Variants in KIF7 observed in about 807,000 individuals in gnomAD.
The protein encoded by KIF7 is kinesin family member 7, also known as kinesin-like protein KIF7.
Under a neutral mutation model 135.7 loss-of-function variants are expected in KIF7, and 104 were observed. The observed-to-expected ratio is 0.77, with a 90% CI of 0.65 to 0.90. The LOEUF (loss-of-function observed/expected upper bound fraction) is 0.90, where lower values mean the gene tolerates loss of function less well. KIF7 is among the 40% of genes least tolerant of loss of function. KIF7 has a pLI of 0.00. For synonymous variants in KIF7, 883 were observed against 809.4 expected, an observed-to-expected ratio of 1.09 and a Z score of -1.54; for missense variants, 2,005 against 1,839.1, an observed-to-expected ratio of 1.09 and a Z score of -1.65.
At chr15:89,622,855 G>A (rs1343947173) in intron 1 of KIF7, among the ~76,000 whole-genome samples, 1 of 152,192 alleles carries the variant, frequency 6.6e-6, no homozygotes, top group Non-Finnish European at 1.5e-5. Flanking sequence ...CGACACCCAA[G>A]CTTGAAGACC....
intron 11 of KIF7, 79 bp from the exon 12 acceptor site, chr15:89,633,962 C>T: frequency 6.5e-6 from 10 of 1,528,156 alleles, no homozygotes; most frequent in Non-Finnish European, 9.0e-6. Flanking sequence ...TCAACAAGGG[C>T]AGGCAGATAG....
exon 2 of KIF7, chr15:89,618,038 T>C (rs940110469): frequency 1.9e-6 from 2 of 1,055,500 alleles, no homozygotes; most frequent in Non-Finnish European, 3.0e-6. Flanking sequence ...CCAGCACTGG[T>C]GTTATCAGAC....
intron 2 of KIF7, among the ~76,000 whole-genome samples, chr15:89,652,363 C>T (rs566367847): frequency 3.9e-5 from 6 of 152,288 alleles, no homozygotes; most frequent in East Asian, 1.9e-4. Flanking sequence ...GGCAGCATGG[C>T]GCCATCTCTA....
chr15:89,633,566 G>T, intron 12 of KIF7, 120 bp downstream of exon 12: 2 of 1,110,946 alleles, frequency 1.8e-6, no homozygotes, highest in South Asian at 1.3e-5. Flanking sequence ...CAGGCTAAGT[G>T]ACCTGCTTTC....
At position 89,645,360 on chromosome 15, in the gene KIF7, C is replaced by G. The variant is rs575882014; in HGVS notation, c.2014G>C (p.Asp672His). The G allele has an allele frequency of 3.1e-6, 5 of 1,614,090 alleles. No homozygotes were observed. In the African/African-American group the frequency reaches 5.3e-5, roughly 17 times the overall value. ...CCTCTGGACCCTGGAATGGCTGCAT[C>G]CAACTCCTCAAGGCAAAGCTCTGGG... The part of the protein sequence containing the change: ...KGPELCLEEL[D>H]AAIPGSRAVG... The change falls in exon 9 of 19, where the codon GAT (aspartate) becomes CAT (histidine). Residue 672 changes from aspartate (D) to histidine (H), a missense_variant. Asp to His is a moderately conservative substitution (Grantham distance 81). Transcript: ENST00000394412.
chr15:89,645,017 G>T lies in KIF7; in HGVS notation c.2187C>A (p.Arg729=). ...MKEELIGELV[R]TGKAAQALNR... is the part of the protein sequence containing the mutation. Reference sequence around the variant, plus strand: ...CACCTGATGCCCACGCCTCACCTGTGCGGACCAGCTCGCCAATAAGCTCCT... The same window carrying T: ...CACCTGATGCCCACGCCTCACCTGTTCGGACCAGCTCGCCAATAAGCTCCT... The change falls in exon 10 of 19, where the codon CGC becomes CGA. Residue 729 remains arginine, a synonymous_variant. Coordinates refer to ENST00000394412, the MANE Select transcript of KIF7 (RefSeq NM_198525.3). The T allele has an allele frequency of 1.2e-6, 2 of 1,608,042 alleles. No individual in the cohort carries two copies.
At chr15:89,629,265 CTG>C (rs1963614645) in intron 17 of KIF7, 108 bp downstream of exon 17, 8 of 974,382 alleles carry the variant, frequency 8.2e-6, no homozygotes, top group East Asian at 4.2e-5. Context: ...GGTGCAGGGG[CTG>C]TGAGTGGCAG....
chr15:89,645,221 G>C, intron 9 of KIF7, 56 bp from the exon 10 acceptor site: 1 of 1,605,556 alleles, frequency 6.2e-7, no homozygotes, highest in African/African-American at 1.3e-5. Flanking sequence ...GGGAGACAGA[G>C]GAGTGGAGAG....
In KIF7 at chr15:89,642,364, T is replaced by A. The variant is rs919662081; in HGVS notation, c.2233A>T (p.Ile745Phe). 7.5e-6 allele frequency: 12 copies of A among 1,609,716 alleles called. No individual in the cohort carries two copies. In the African/African-American group the frequency reaches 1.6e-4, roughly 22 times the overall value. The change falls in exon 11 of 19, where the codon ATC becomes TTC. Residue 745 changes from isoleucine to phenylalanine, a missense_variant. Transcript: ENST00000394412. Reference protein sequence around the residue: ...QALNRQHSQRIRELEQEAEQV... With the variant: ...QALNRQHSQRFRELEQEAEQV... ...TCTGCCTCCTGCTCCAGCTCCCGGA[T>A]ACGCTGGCTGTGCTGGCGGTTCAGG... is the stretch of plus-strand genomic sequence containing the variant.
rs147423714 is a variant in KIF7 at position 89,631,549 on chromosome 15, C to G, written c.3057G>C (p.Lys1019Asn). The change falls in exon 15 of 19, where the codon AAG becomes AAC. Residue 1019 changes from lysine (K) to asparagine (N), a missense_variant. By Grantham distance (94) the Lys-to-Asn change is moderately conservative (BLOSUM62 0). Transcript: ENST00000394412. ...GCTTGCCGTCGATCTCCAGGCGCTG[C>G]TTGAGCAGCGAGTCCTTCTCCTGGC... ...SLRQEKDSLL[K>N]QRLEIDGKLR... The G allele has an allele frequency of 4.5e-5, 71 of 1,582,234 alleles. No individual in the cohort carries two copies. Among genetic ancestry groups the G allele is most frequent in the Non-Finnish European group, 5.8e-5 (68 of 1,163,152 alleles).
rs535008038 is a variant in KIF7 at position 89,628,960 on chromosome 15, C to T, written c.3664+16G>A. On this transcript the variant is annotated intron_variant, in intron 18 of 18. Transcript: ENST00000394412. ...AAAGGGAACAGGTCTGACTTCAGAG[C>T]GCGACGAGGAGTTACCCCTGCTGTG... The T allele has an allele frequency of 9.9e-6, 16 of 1,613,838 alleles. No homozygotes were observed. The highest frequency in any genetic ancestry group is 2.2e-5 in the South Asian group (2 of 91,060).
chr15:89,633,136 C>T lies in KIF7; in HGVS notation c.2718+5G>A. 3 of 1,602,298 alleles carry T rather than the reference C, an allele frequency of 1.9e-6. No individual in the cohort carries two copies. The highest frequency in any genetic ancestry group is 2.5e-6 in the Non-Finnish European group (3 of 1,179,768). On this transcript the variant is annotated splice_donor_5th_base_variant and intron_variant, in intron 13 of 18. Coordinates refer to ENST00000394412, the MANE Select transcript of KIF7 (RefSeq NM_198525.3). ...GCCCTGGGTGCGGACACAGCCTGGC[C>T]CCACCTGCTGCTGTTCCAGGCTGAC...
chr15:89,630,647 GCTCA>G (rs1310257896), intron 15 of KIF7, 154 bp from the exon 16 acceptor site: 25 of 703,808 alleles, frequency 3.6e-5, no homozygotes, highest in South Asian at 2.8e-4. Flanking sequence ...GGTGCCCCCT[GCTCA>G]CTGTCACAGC....
At chr15:89,658,762 G>A (rs1964230328), upstream of KIF7, among the ~76,000 whole-genome samples, 2 of 152,138 alleles carry the variant, frequency 1.3e-5, no homozygotes, top group South Asian at 4.2e-4. Flanking sequence ...TACCCTGGAG[G>A]CTGAGGTGAT....
intron 1 of KIF7, among the ~76,000 whole-genome samples, chr15:89,655,107 G>C (rs34160830): frequency 0.013 from 1,930 of 152,326 alleles, 17 homozygotes; most frequent in South Asian, 0.034. Context: ...AAAGTTGGAA[G>C]AAGTGATTAC....
At chr15:89,653,075 G>T in intron 1 of KIF7, 121 bp from the exon 2 acceptor site, 1 of 779,994 alleles carries the variant, frequency 1.3e-6, no homozygotes, top group Non-Finnish European at 2.0e-6. Context: ...GGGGAGGGTG[G>T]TCAAAGTTCA....
At chr15:89,655,198 G>C (rs907614412) in intron 1 of KIF7, among the ~76,000 whole-genome samples, 2 of 152,202 alleles carry the variant, frequency 1.3e-5, no homozygotes, top group Non-Finnish European at 2.9e-5. Context: ...CCCAGATGTC[G>C]GGAAGACGGC....
downstream of KIF7, chr15:89,627,282 G>A: frequency 1.5e-6 from 1 of 653,750 alleles, no homozygotes; most frequent in Non-Finnish European, 2.5e-6. Context: ...GGAAGTTGCA[G>A]GAGGAGAGGT....
intron 2 of KIF7, among the ~76,000 whole-genome samples, chr15:89,651,705 T>C (rs914351594): frequency 4.6e-5 from 7 of 152,268 alleles, no homozygotes; most frequent in Non-Finnish European, 8.8e-5. Context: ...TGTGTTTTGC[T>C]GTATTTTCCT....
Sources: gnomAD v4.1 joint callset for allele counts (sites outside exome capture counted in the v4.1 genomes callset) on GRCh38, gnomAD v4.1.1 for gene constraint, MANE v1.5 for transcripts, NCBI Gene and HGNC (gene_info 2026-07-23, HGNC 2026-07-21) for gene names.